Variants in GABRA2 observed in about 807,000 individuals in gnomAD.
GABRA2 encodes gamma-aminobutyric acid type A receptor subunit alpha2, also known as gamma-aminobutyric acid receptor subunit alpha-2.
A neutral mutation model predicts 48.7 loss-of-function variants in GABRA2; 16 were observed. That is an observed-to-expected ratio of 0.33 (90% CI 0.22 to 0.50). The LOEUF (loss-of-function observed/expected upper bound fraction) is 0.50, where lower values mean the gene tolerates loss of function less well. Ranked by LOEUF, GABRA2 falls within the 20% of genes least tolerant of loss-of-function variation. The pLI is 0.98. For synonymous variants in GABRA2, 185 were observed against 184.5 expected (o/e 1.00, Z -0.02); for missense variants, 275 against 535.6 (o/e 0.51, Z 4.80).
chr4:46,269,828 T>C (rs1402107152), intron 8 of GABRA2, among the ~76,000 whole-genome samples: 3 of 151,888 alleles, frequency 2.0e-5, no homozygotes, highest in African/African-American at 7.2e-5. Flanking sequence ...TGAAAATTAA[T>C]ACTGAGGAGA....
chr4:46,296,707 G>A (rs1410590221), intron 8 of GABRA2, among the ~76,000 whole-genome samples: 2 of 148,398 alleles, frequency 1.3e-5, no homozygotes, highest in Non-Finnish European at 3.0e-5. Context: ...TGAAGGCAAA[G>A]GAAATACAGG....
chr4:46,338,125 A>G (rs1578101125), intron 3 of GABRA2, among the ~76,000 whole-genome samples: 2 of 152,002 alleles, frequency 1.3e-5, no homozygotes, highest in Admixed American at 1.3e-4. Context: ...TGATTTTCTC[A>G]AGAGAGTGGT....
intron 3 of GABRA2, among the ~76,000 whole-genome samples, chr4:46,360,071 T>C (rs368779579): frequency 1.3e-5 from 2 of 152,228 alleles, no homozygotes; most frequent in East Asian, 3.9e-4. Flanking sequence ...TAATTCCTCC[T>C]GGCTCTTTGA....
At position 46,330,585 on chromosome 4, in the gene GABRA2, T is replaced by TAGAGAGAGAGAGAGAGAGAGAG. The variant is rs1284493121; in HGVS notation, c.255+2029_255+2030insCTCTCTCTCTCTCTCTCTCTCT. Among the ~76,000 whole-genome samples, 5 of 117,650 alleles carry TAGAGAGAGAGAGAGAGAGAGAG rather than the reference T, an allele frequency of 4.2e-5. No individual in the cohort carries two copies. In the Admixed American group the frequency reaches 4.7e-4, roughly 11 times the overall value. 77.2% of individuals were successfully genotyped at this position (117,650 alleles called of 152,430 possible). On this transcript the variant is annotated intron_variant, in intron 4 of 9. Coordinates refer to ENST00000381620, the MANE Select transcript of GABRA2 (RefSeq NM_000807.4). ...ATGCATATATATATATATATATATATATATATAGAGAGAGAGAGAGAGAGA... is the reference window on the plus strand; with the variant it reads ...ATGCATATATATATATATATATATATAGAGAGAGAGAGAGAGAGAGAGATATATAGAGAGAGAGAGAGAGAGA...
At chr4:46,295,875 T>A (rs1450522864) in intron 8 of GABRA2, among the ~76,000 whole-genome samples, 4 of 152,154 alleles carry the variant, frequency 2.6e-5, no homozygotes, top group Non-Finnish European at 5.9e-5. Flanking sequence ...AAGACTATCA[T>A]CTATGGACTC....
intron 4 of GABRA2, among the ~76,000 whole-genome samples, chr4:46,330,591 T>TATATATATATATAGAGAGAGAG (rs1411755120): frequency 1.3e-4 from 16 of 122,676 alleles, no homozygotes; most frequent in East Asian, 1.2e-3. Flanking sequence ...TATATATATA[T>TATATATATATATAGAGAGAGAG]AGAGAGAGAG....
At position 46,354,164 on chromosome 4, in the gene GABRA2, A is replaced by G. The variant is rs934883654; in HGVS notation, c.188-21482T>C. 1.1e-4 allele frequency among the ~76,000 whole-genome samples: 17 copies of G among 152,172 alleles called. No homozygotes were observed. The East Asian group carries it at 3.3e-3, about 29-fold the overall frequency. On this transcript the variant is annotated intron_variant, in intron 3 of 9. Transcript: ENST00000381620. Reference sequence around the variant, plus strand: ...TATTACTCCTCCTCTTGGCAAATGCAGAAGCCAACATTTAAAAAAGTTTGT... The same window carrying G: ...TATTACTCCTCCTCTTGGCAAATGCGGAAGCCAACATTTAAAAAAGTTTGT...
At chr4:46,374,423 C>A (rs1232880218) in intron 3 of GABRA2, among the ~76,000 whole-genome samples, 3 of 152,062 alleles carry the variant, frequency 2.0e-5, no homozygotes, top group African/African-American at 7.2e-5. Context: ...AGTGCCTATC[C>A]AATACTTACT....
intron 3 of GABRA2, among the ~76,000 whole-genome samples, chr4:46,380,645 T>C (rs936717440): frequency 1.3e-5 from 2 of 152,210 alleles, no homozygotes; most frequent in African/African-American, 4.8e-5. Context: ...TTGAGCAATG[T>C]GCTGAAAGTC....
At chr4:46,296,919 G>T (rs1429055677) in intron 8 of GABRA2, among the ~76,000 whole-genome samples, 1 of 152,026 alleles carries the variant, frequency 6.6e-6, no homozygotes, top group East Asian at 1.9e-4. Flanking sequence ...ACCTCATATT[G>T]TTAACTTGAT....
At chr4:46,289,965 G>A (rs1350445874) in intron 8 of GABRA2, among the ~76,000 whole-genome samples, 3 of 146,682 alleles carry the variant, frequency 2.0e-5, no homozygotes, top group Admixed American at 6.8e-5. Context: ...AGGCTGGAGT[G>A]CGGTGGCGCG....
In GABRA2 at chr4:46,299,759, T is replaced by C. The variant is rs377377126; in HGVS notation, c.856+3701A>G. Among the ~76,000 whole-genome samples, 7 of 151,526 alleles carry C rather than the reference T, an allele frequency of 4.6e-5. No homozygotes were observed. The East Asian group carries it at 1.4e-3, about 29-fold the overall frequency. Reference sequence around the variant, plus strand: ...TCATCTGAAATTCTTCCCTCTTCTATAGATATGTTCAATTTCCTTACTCTT... The same window carrying C: ...TCATCTGAAATTCTTCCCTCTTCTACAGATATGTTCAATTTCCTTACTCTT... On this transcript the variant is annotated intron_variant, in intron 8 of 9. Coordinates refer to ENST00000381620, the MANE Select transcript of GABRA2 (RefSeq NM_000807.4).
chr4:46,326,594 C>A (rs1490180182), intron 4 of GABRA2, among the ~76,000 whole-genome samples: 1 of 151,284 alleles, frequency 6.6e-6, no homozygotes, highest in Non-Finnish European at 1.5e-5. Flanking sequence ...TTCTCAGTCT[C>A]TTCTTCCATT....
chr4:46,261,019 G>C (rs1416988778), intron 9 of GABRA2: 1 of 151,746 alleles, frequency 6.6e-6, no homozygotes, highest in Non-Finnish European at 1.5e-5. Context: ...TTTAATAAAA[G>C]AAGCATTTAG....
At chr4:46,255,361 CA>C (rs1715606735) in intron 9 of GABRA2, among the ~76,000 whole-genome samples, 1 of 151,496 alleles carries the variant, frequency 6.6e-6, no homozygotes, top group Non-Finnish European at 1.5e-5. Flanking sequence ...GCTTATTCTA[CA>C]ATTCTATTAT....
chr4:46,331,410 C>A (rs1234582170), intron 4 of GABRA2, among the ~76,000 whole-genome samples: 2 of 152,086 alleles, frequency 1.3e-5, no homozygotes, highest in African/African-American at 4.8e-5. Flanking sequence ...AATTTAGGTT[C>A]TCTAACGGAA....
At chr4:46,283,933 G>A (rs514465) in intron 8 of GABRA2, among the ~76,000 whole-genome samples, 75,752 of 151,654 alleles carry the variant, frequency 0.5, 20,171 homozygotes, top group South Asian at 0.76. Flanking sequence ...CTAATTTTTT[G>A]TATTTTTAGT....
intron 3 of GABRA2, among the ~76,000 whole-genome samples, chr4:46,357,666 C>CT (rs530230630): frequency 0.019 from 2,476 of 133,060 alleles, 58 homozygotes; most frequent in African/African-American, 0.048. Context: ...TATTTTCTTT[C>CT]TTTTTTTTTT....
rs566251362 is a variant in GABRA2 at position 46,334,591 on chromosome 4, T to A, written c.188-1909A>T. On this transcript the variant is annotated intron_variant, in intron 3 of 9. Coordinates refer to ENST00000381620, the MANE Select transcript of GABRA2 (RefSeq NM_000807.4). The stretch of plus-strand genomic sequence containing the variant: ...CAAAAATGTGTGAATGTATTGATGC[T>A]AAGGATATGAATGGCATTCCCTATA... Among the ~76,000 whole-genome samples the A allele has an allele frequency of 7.2e-5, 11 of 152,258 alleles. No individual in the cohort carries two copies. The South Asian group carries it at 1.4e-3, about 20-fold the overall frequency.
Sources: gnomAD v4.1 joint callset for allele counts (sites outside exome capture counted in the v4.1 genomes callset) on GRCh38, gnomAD v4.1.1 for gene constraint, MANE v1.5 for transcripts, NCBI Gene and HGNC (gene_info 2026-07-23, HGNC 2026-07-21) for gene names.